Variants in CDIN1 observed in about 807,000 individuals in gnomAD.
The protein encoded by CDIN1 is CDAN1-interacting nuclease 1.
A neutral mutation model predicts 45.3 loss-of-function variants in CDIN1; 33 were observed. That is an observed-to-expected ratio of 0.73 (90% confidence interval 0.55 to 0.97). The LOEUF (loss-of-function observed/expected upper bound fraction) is 0.97, where lower values mean the gene tolerates loss of function less well. Ranked by LOEUF, CDIN1 falls within the 50% of genes least tolerant of loss-of-function variation. The pLI is 0.00. For synonymous variants in CDIN1, 118 were observed against 124.4 expected (o/e 0.95, Z 0.34); for missense variants, 303 against 339.4 (o/e 0.89, Z 0.84).
At chr15:36,602,768 C>T (rs752677335) in intron 1 of CDIN1, among the ~76,000 whole-genome samples, 1 of 152,012 alleles carries the variant, frequency 6.6e-6, no homozygotes, top group South Asian at 2.1e-4. Context: ...GTCAGGAGAT[C>T]GAGGCTCGAG....
chr15:36,613,417 A>G, intron 1 of CDIN1: 1 of 1,342,220 alleles, frequency 7.5e-7, no homozygotes, highest in South Asian at 1.2e-5. Flanking sequence ...AGGAGGCTGC[A>G]ACGCTGAGTG....
chr15:36,801,725 A>G (rs1212728628), intron 10 of CDIN1, among the ~76,000 whole-genome samples: 5 of 152,176 alleles, frequency 3.3e-5, no homozygotes, highest in Non-Finnish European at 5.9e-5. Flanking sequence ...AACTTTATGT[A>G]GTGATTCTGT....
At chr15:36,766,809 T>C (rs948451358) in intron 10 of CDIN1, among the ~76,000 whole-genome samples, 30 of 152,234 alleles carry the variant, frequency 2.0e-4, no homozygotes, top group Non-Finnish European at 3.8e-4. Flanking sequence ...GTTGGTCATA[T>C]ATTTTGGACA....
chr15:36,696,870 G>C (rs890587276), intron 7 of CDIN1, among the ~76,000 whole-genome samples: 1 of 149,690 alleles, frequency 6.7e-6, no homozygotes, highest in Non-Finnish European at 1.5e-5. Context: ...CCAGCACTTT[G>C]AGAGACTGAG....
chr15:36,740,824 G>T (rs2044209291), intron 10 of CDIN1, among the ~76,000 whole-genome samples: 1 of 151,764 alleles, frequency 6.6e-6, no homozygotes, highest in South Asian at 2.1e-4. Context: ...AGGAGGCGGA[G>T]GTTACGGTGA....
At chr15:36,800,901 GTGTGTGTGTATATATATA>G (rs2055006251) in intron 10 of CDIN1, among the ~76,000 whole-genome samples, 5 of 22,380 alleles carry the variant, frequency 2.2e-4, no homozygotes, top group African/African-American at 6.2e-4. Context: ...GTGTGTGTGT[GTGTGTGTGTATATATATA>G]TATATATATA....
chr15:36,624,939 T>C (rs1438323621), intron 1 of CDIN1, among the ~76,000 whole-genome samples: 2 of 152,118 alleles, frequency 1.3e-5, no homozygotes, highest in African/African-American at 4.8e-5. Flanking sequence ...GCAGAACATA[T>C]ATTTTTGTGC....
intron 1 of CDIN1, chr15:36,613,852 A>G: frequency 6.3e-7 from 1 of 1,596,556 alleles, no homozygotes; most frequent in Non-Finnish European, 8.6e-7. Flanking sequence ...GGAAGTATGA[A>G]GAGGTGGCTT....
Position 36,742,801 on chromosome 15 carries a change from A to G in CDIN1, c.716+32840A>G, listed in dbSNP as rs141878517. 1.1e-4 allele frequency among the ~76,000 whole-genome samples: 17 copies of G among 152,336 alleles called. No homozygotes were observed. The East Asian group carries it at 2.3e-3, about 21-fold the overall frequency. On this transcript the variant is annotated intron_variant, in intron 10 of 10. Coordinates refer to ENST00000566621, the MANE Select transcript of CDIN1 (RefSeq NM_001321759.2). ...GTACAGGGGTAGGCAATAAAGATAA[A>G]AGATAAGCATGGCCTCAAGCCTCAG...
At chr15:36,699,695 T>C (rs1207633352) in intron 8 of CDIN1, among the ~76,000 whole-genome samples, 5 of 152,208 alleles carry the variant, frequency 3.3e-5, no homozygotes, top group African/African-American at 4.8e-5. Context: ...AAAATGCATA[T>C]TTTATCTTTA....
intron 3 of CDIN1, among the ~76,000 whole-genome samples, chr15:36,651,752 G>T (rs928706600): frequency 3.3e-5 from 5 of 152,064 alleles, no homozygotes; most frequent in Admixed American, 2.0e-4. Flanking sequence ...CAGTGCCCTG[G>T]GGTTTGGTTT....
chr15:36,616,793 C>T (rs544006986), intron 1 of CDIN1, among the ~76,000 whole-genome samples: 156 of 151,980 alleles, frequency 1.0e-3, no homozygotes, highest in African/African-American at 3.4e-3. Context: ...GGCATGGTGG[C>T]GCATGCCTGT....
At chr15:36,613,568 C>T in intron 1 of CDIN1, 2 of 1,494,876 alleles carry the variant, frequency 1.3e-6, no homozygotes, top group Non-Finnish European at 1.8e-6. Flanking sequence ...GCGCCTCCAG[C>T]AAGAAGTTGA....
rs542541108 is a variant in CDIN1 at position 36,590,413 on chromosome 15, C to T, written c.101+10452C>T. On this transcript the variant is annotated intron_variant, in intron 1 of 10. Coordinates refer to ENST00000566621, the MANE Select transcript of CDIN1 (RefSeq NM_001321759.2). ...ATAAATATTTTGAAACAAAGCAATT[C>T]GAGTAGAGGAAAAAAGTAAGGTAGA... Among the ~76,000 whole-genome samples the T allele has an allele frequency of 2.6e-5, 4 of 152,100 alleles. No homozygotes were observed. In the East Asian group the frequency reaches 7.7e-4, roughly 29 times the overall value.
Position 36,722,529 on chromosome 15 carries a change from T to G in CDIN1, c.716+12568T>G, listed in dbSNP as rs78013729. Among the ~76,000 whole-genome samples, 241 of 152,330 alleles carry G rather than the reference T, an allele frequency of 1.6e-3. 3 individuals carry two copies. The highest frequency in any genetic ancestry group is 0.011 in the Admixed American group (161 of 15,290). On this transcript the variant is annotated intron_variant, in intron 10 of 10. Transcript: ENST00000566621. ...TACTGGTAGCACTCAGGGCTTCTTATGCCTCTTGGATTAAAATAAAGCAGG... is the reference window on the plus strand; with the variant it reads ...TACTGGTAGCACTCAGGGCTTCTTAGGCCTCTTGGATTAAAATAAAGCAGG...
intron 10 of CDIN1, among the ~76,000 whole-genome samples, chr15:36,789,503 G>A (rs886766399): frequency 6.6e-6 from 1 of 152,116 alleles, no homozygotes; most frequent in Non-Finnish European, 1.5e-5. Context: ...ATGGGTGAAG[G>A]AAGTCTGAAA....
At chr15:36,765,808 C>T (rs1475217381) in intron 10 of CDIN1, among the ~76,000 whole-genome samples, 1 of 152,004 alleles carries the variant, frequency 6.6e-6, no homozygotes, top group Admixed American at 6.6e-5. Flanking sequence ...CTCATGAAAC[C>T]ATTGCTATAA....
intron 10 of CDIN1, among the ~76,000 whole-genome samples, chr15:36,775,727 T>C (rs1351873868): frequency 6.6e-6 from 1 of 152,202 alleles, no homozygotes; most frequent in African/African-American, 2.4e-5. Context: ...ATATGCAAGA[T>C]GTATACCCTG....
intron 10 of CDIN1, among the ~76,000 whole-genome samples, chr15:36,784,031 A>G (rs1282061393): frequency 6.6e-6 from 1 of 152,236 alleles, no homozygotes; most frequent in Non-Finnish European, 1.5e-5. Context: ...CGTAAAGCAA[A>G]TAAGGAATAT....
Sources: allele counts gnomAD v4.1 joint callset (sites outside exome capture counted in the v4.1 genomes callset), GRCh38; gene constraint gnomAD v4.1.1; transcripts MANE v1.5; gene names NCBI Gene and HGNC (gene_info 2026-07-23, HGNC 2026-07-21).